The following PDZRN3 variants were observed in gnomAD, a reference collection of about 807,000 sequenced individuals.
The protein encoded by PDZRN3 is E3 ubiquitin-protein ligase PDZRN3.
A neutral mutation model predicts 85.7 loss-of-function variants in PDZRN3; 38 were observed. The ratio of observed to expected loss-of-function variants is 0.44; its 90% CI spans 0.34 to 0.58. The LOEUF (loss-of-function observed/expected upper bound fraction) is 0.58. Among genes scored for constraint, PDZRN3 ranks in the 20% least tolerant of loss-of-function variants. The pLI is 0.01. For missense variants in PDZRN3, 1,629 were observed against 1,506.4 expected, an observed-to-expected ratio of 1.08 and a Z score of -1.35; for synonymous variants, 759 against 638.0, an observed-to-expected ratio of 1.19 and a Z score of -2.86.
At chr3:73,466,466 A>C (rs946114085) in intron 3 of PDZRN3, among the ~76,000 whole-genome samples, 1 of 152,188 alleles carries the variant, frequency 6.6e-6, no homozygotes, top group African/African-American at 2.4e-5. Flanking sequence ...TGATGGTAAA[A>C]ACCTCACCTG....
chr3:73,599,183 G>T (rs751170374), intron 3 of PDZRN3, among the ~76,000 whole-genome samples: 1 of 152,182 alleles, frequency 6.6e-6, no homozygotes, highest in African/African-American at 2.4e-5. Context: ...ACAACCAAAA[G>T]GTTAAAGCAA....
intron 3 of PDZRN3, among the ~76,000 whole-genome samples, chr3:73,477,847 TA>T (rs1048428316): frequency 2.0e-5 from 3 of 152,060 alleles, no homozygotes; most frequent in Non-Finnish European, 4.4e-5. Context: ...GGAAAGTGAA[TA>T]AAGAGCAAAG....
At position 73,624,800 on chromosome 3, in the gene PDZRN3, T is replaced by C. The variant is rs781398851; in HGVS notation, c.26A>G (p.Asp9Gly). Residue 9 changes from aspartate to glycine, a missense_variant, in exon 1 of 10, where the codon GAC (aspartate) becomes GGC (glycine). By Grantham distance (94) the Asp-to-Gly change is moderately conservative. Transcript: ENST00000263666. ...CTTCAGGTCCGGGTCCACGTCGCCG[T>C]CGAAGCGGTCCAGCTCGAAGCCCAT... MGFELDRF[D>G]GDVDPDLKCA... 7.2e-7 allele frequency: 1 copy of C among 1,392,462 alleles called. No individual in the cohort carries two copies. The highest frequency in any genetic ancestry group is 9.3e-7 in the Non-Finnish European group (1 of 1,076,330). The allele number at this position is 1,392,462 out of a possible 1,614,324, so 86.3% of individuals were successfully genotyped here. A position where few individuals can be genotyped will look rare whatever the true frequency, so the allele number is the denominator to read the frequency against.
chr3:73,473,100 TA>T (rs1375677664), intron 3 of PDZRN3, among the ~76,000 whole-genome samples: 1 of 152,230 alleles, frequency 6.6e-6, no homozygotes, highest in Admixed American at 6.5e-5. Context: ...AAAAGGAGTG[TA>T]ACAGATAGAG....
intron 3 of PDZRN3, among the ~76,000 whole-genome samples, chr3:73,565,793 ACAC>A (rs374067295): frequency 0.21 from 30,254 of 144,958 alleles, 3,823 homozygotes; most frequent in East Asian, 0.33. Context: ...CAAAACACAC[ACAC>A]ACACACACAC....
chr3:73,404,171 C>T lies in PDZRN3; in HGVS notation c.1143G>A (p.Leu381=), dbSNP rs1575626486. 6.2e-7 allele frequency: 1 copy of T among 1,613,902 alleles called. No homozygotes were observed. Among genetic ancestry groups the T allele is most frequent in the Non-Finnish European group, 8.5e-7 (1 of 1,179,864 alleles). The part of the protein sequence containing the change: ...TKMSSPSPPV[L]DPYLLPEEHP... Reference sequence around the variant, plus strand: ...ACTCCTCTGGCAAGAGATAGGGATCCAGCACGGGTGGGCTGGGAGAGGACA... The same window carrying T: ...ACTCCTCTGGCAAGAGATAGGGATCTAGCACGGGTGGGCTGGGAGAGGACA... The change falls in exon 4 of 10, where the codon CTG becomes CTA. Residue 381 remains leucine (L), a synonymous_variant. Coordinates refer to ENST00000263666, the MANE Select transcript of PDZRN3 (RefSeq NM_015009.3).
At position 73,437,002 on chromosome 3, in the gene PDZRN3, T is replaced by A. The variant is rs1233792629; in HGVS notation, c.919-32607A>T. 2.8e-5 allele frequency among the ~76,000 whole-genome samples: 4 copies of A among 144,402 alleles called. No homozygotes were observed. The East Asian group carries it at 8.3e-4, about 30-fold the overall frequency. 94.7% of individuals were successfully genotyped at this position (144,402 alleles called of 152,430 possible). ...TGGAGGTTGCAGTTAGCCAAGATGGTGCCCACTGCACTCCAGCCTGGCGAC... is the reference window on the plus strand; with the variant it reads ...TGGAGGTTGCAGTTAGCCAAGATGGAGCCCACTGCACTCCAGCCTGGCGAC... On this transcript the variant is annotated intron_variant, in intron 3 of 9. Coordinates refer to ENST00000263666, the MANE Select transcript of PDZRN3 (RefSeq NM_015009.3).
chr3:73,427,618 C>T (rs897517617), intron 3 of PDZRN3, among the ~76,000 whole-genome samples: 2 of 152,244 alleles, frequency 1.3e-5, no homozygotes, highest in African/African-American at 4.8e-5. Context: ...CCCGTACCAT[C>T]TGCCTCATGG....
intron 3 of PDZRN3, chr3:73,569,555 C>G: frequency 9.5e-7 from 1 of 1,056,940 alleles, no homozygotes; most frequent in Non-Finnish European, 1.1e-6. Context: ...GCCTCCCACC[C>G]CCACACCCGC....
chr3:73,518,446 A>G (rs1471459431), intron 3 of PDZRN3, among the ~76,000 whole-genome samples: 1 of 152,216 alleles, frequency 6.6e-6, no homozygotes, highest in Non-Finnish European at 1.5e-5. Flanking sequence ...GTACAATAAC[A>G]TGAATGCACT....
intron 3 of PDZRN3, among the ~76,000 whole-genome samples, chr3:73,470,568 T>G (rs1703316495): frequency 6.6e-6 from 1 of 152,046 alleles, no homozygotes; most frequent in South Asian, 2.1e-4. Flanking sequence ...AGCCTAATGC[T>G]CCCCCACCCC....
intron 3 of PDZRN3, among the ~76,000 whole-genome samples, chr3:73,466,590 G>A (rs62246080): frequency 0.27 from 41,636 of 151,988 alleles, 7,109 homozygotes; most frequent in African/African-American, 0.49. Flanking sequence ...GCTGGTCCAC[G>A]CAGCAATTAA....
chr3:73,385,271 T>C (rs1701348191), intron 9 of PDZRN3, among the ~76,000 whole-genome samples: 3 of 152,308 alleles, frequency 2.0e-5, no homozygotes, highest in East Asian at 3.9e-4. Context: ...AAGGACTCAA[T>C]AAGTGGCTCA....
rs569704229 is a variant in PDZRN3, at chr3:73,510,404, T to A, written c.918+91950A>T. ...ATACACGCACAAGGAAAAAGGTCTA[T>A]GAAGGCTCGCAGCACCATTGCTTGG... On this transcript the variant is annotated intron_variant, in intron 3 of 9. Transcript: ENST00000263666. Among the ~76,000 whole-genome samples the A allele has an allele frequency of 1.2e-4, 19 of 152,320 alleles. No individual in the cohort carries two copies. In the East Asian group the frequency reaches 2.3e-3, roughly 19 times the overall value.
chr3:73,604,326 T>C (rs1702561882), intron 2 of PDZRN3, among the ~76,000 whole-genome samples: 1 of 152,138 alleles, frequency 6.6e-6, no homozygotes, highest in Non-Finnish European at 1.5e-5. Flanking sequence ...ACATAGTGAG[T>C]GCTCTATGTG....
At chr3:73,385,038 A>C in intron 9 of PDZRN3, 108 bp from the exon 10 acceptor site, 1 of 1,309,676 alleles carries the variant, frequency 7.6e-7, no homozygotes. Context: ...GTACATTTCT[A>C]AGGCCAAGGG....
At chr3:73,406,384 G>T (rs541038701) in intron 3 of PDZRN3, among the ~76,000 whole-genome samples, 6 of 151,868 alleles carry the variant, frequency 4.0e-5, no homozygotes, top group African/African-American at 1.5e-4. Context: ...AAAACAACTT[G>T]GGGTGCTGTG....
intron 3 of PDZRN3, among the ~76,000 whole-genome samples, chr3:73,559,953 C>T (rs1232570938): frequency 1.3e-5 from 2 of 152,208 alleles, no homozygotes; most frequent in Non-Finnish European, 2.9e-5. Flanking sequence ...AAATCACATA[C>T]ACTATTTTCT....
intron 3 of PDZRN3, among the ~76,000 whole-genome samples, chr3:73,568,208 G>T (rs1661768116): frequency 6.6e-6 from 1 of 152,136 alleles, no homozygotes; most frequent in Non-Finnish European, 1.5e-5. Context: ...CTGTAAAATG[G>T]TGCAGATCAT....
Sources: gnomAD v4.1 joint callset for allele counts (sites outside exome capture counted in the v4.1 genomes callset) on GRCh38, gnomAD v4.1.1 for gene constraint, MANE v1.5 for transcripts, NCBI Gene and HGNC (gene_info 2026-07-23, HGNC 2026-07-21) for gene names.